Variants in CENPI observed in about 807,000 individuals in gnomAD.
CENPI encodes FSH primary response 1.
In CENPI, 4 loss-of-function variants were observed where a neutral mutation model predicts 60.4. The observed-to-expected ratio is 0.07, with a 90% CI of 0.03 to 0.15. The LOEUF (loss-of-function observed/expected upper bound fraction) is 0.15. Among genes scored for constraint, CENPI ranks in the 10% least tolerant of loss-of-function variants. CENPI has a pLI of 1.00. For synonymous variants in CENPI, 157 were observed against 189.4 expected (o/e 0.83, Z 1.40); for missense variants, 444 against 534.5 (o/e 0.83, Z 1.67).
intron 6 of CENPI, among the ~76,000 whole-genome samples, chrX:101,117,141 T>G (rs975799255): frequency 1.3e-4 from 14 of 111,863 alleles, no homozygotes; most frequent in Non-Finnish European, 2.4e-4. Context: ...CCACTTTAAG[T>G]TACTCTCTTT....
chrX:101,180,399 A>G, the CENPI span, among the ~76,000 whole-genome samples: 1 of 111,831 alleles, frequency 8.9e-6, no homozygotes, highest in African/African-American at 3.3e-5. Context: ...TGCCTCCCAA[A>G]GTGCTAGGAT....
intron 20 of CENPI, among the ~76,000 whole-genome samples, chrX:101,155,918 T>C (rs999413383): frequency 3.6e-5 from 4 of 112,503 alleles, no homozygotes; most frequent in African/African-American, 1.3e-4. Context: ...TGAAGACAAG[T>C]GAGTCAAGTG....
At position 101,164,631 on chromosome X, in the gene CENPI, C is replaced by T. The variant is rs2090136375; in HGVS notation, c.*1664C>T. 8.9e-6 allele frequency among the ~76,000 whole-genome samples: 1 copy of T among 111,789 alleles called. No individual in the cohort carries two copies. Among genetic ancestry groups the T allele is most frequent in the African/African-American group, 3.3e-5 (1 of 30,764 alleles). On this transcript the variant is annotated 3_prime_UTR_variant, in exon 22 of 22. Coordinates refer to ENST00000682095, the MANE Select transcript of CENPI (RefSeq NM_001386188.2). Reference sequence around the variant, plus strand: ...AGAGGTGTGAGCCATTGCACCCAGCCCAAAGTACCTGTTTTTATGGAGTTT... The same window carrying T: ...AGAGGTGTGAGCCATTGCACCCAGCTCAAAGTACCTGTTTTTATGGAGTTT...
At position 101,130,884 on chromosome X, in the gene CENPI, G is replaced by A. The variant is rs150137044; in HGVS notation, c.1287+811G>A. Among the ~76,000 whole-genome samples the A allele has an allele frequency of 4.2e-4, 47 of 112,070 alleles. No homozygotes were observed. In the East Asian group the frequency reaches 0.013, roughly 31 times the overall value. On this transcript the variant is annotated intron_variant, in intron 13 of 21. Coordinates refer to ENST00000682095, the MANE Select transcript of CENPI (RefSeq NM_001386188.2). ...ATGGCTCCCTGTGCTTACCTCTATCGTGACATTTTTAGCATCCACACATTA... is the reference window on the plus strand; with the variant it reads ...ATGGCTCCCTGTGCTTACCTCTATCATGACATTTTTAGCATCCACACATTA...
chrX:101,180,271 G>A, the CENPI span, among the ~76,000 whole-genome samples: 1 of 110,681 alleles, frequency 9.0e-6, no homozygotes, highest in Non-Finnish European at 1.9e-5. Flanking sequence ...TGAGTAGCTG[G>A]GACCACAGGT....
At chrX:101,112,059 C>T (rs1303217371) in intron 6 of CENPI, among the ~76,000 whole-genome samples, 1 of 111,366 alleles carries the variant, frequency 9.0e-6, no homozygotes, top group African/African-American at 3.3e-5. Flanking sequence ...ACGTACGAAC[C>T]GTAGTTATAC....
At chrX:101,145,416 G>A (rs2089953446) in intron 17 of CENPI, among the ~76,000 whole-genome samples, 1 of 110,630 alleles carries the variant, frequency 9.0e-6, no homozygotes, top group Admixed American at 9.7e-5. Context: ...TTTAGGGCCA[G>A]GTACCACTAC....
At chrX:101,132,072 T>C in intron 13 of CENPI, 118 bp from the exon 14 acceptor site, 1 of 496,634 alleles carries the variant, frequency 2.0e-6, no homozygotes. Flanking sequence ...ATTATATTCA[T>C]GACAAAAAAT....
intron 4 of CENPI, among the ~76,000 whole-genome samples, chrX:101,104,810 CTGT>C (rs1283487453): frequency 9.3e-6 from 1 of 107,545 alleles, no homozygotes; most frequent in Non-Finnish European, 1.9e-5. Context: ...GATGGTGCCA[CTGT>C]ACTCCAGTGT....
intron 4 of CENPI, among the ~76,000 whole-genome samples, chrX:101,107,896 C>T (rs1431666983): frequency 2.1e-5 from 2 of 95,271 alleles, no homozygotes; most frequent in East Asian, 6.7e-4. Flanking sequence ...GGATTACAGG[C>T]GTGAGCCACC....
intron 15 of CENPI, among the ~76,000 whole-genome samples, chrX:101,138,621 C>T (rs1222687474): frequency 1.6e-4 from 17 of 108,092 alleles, no homozygotes; most frequent in Non-Finnish European, 3.1e-4. Flanking sequence ...CCACCACGCC[C>T]AGCCAAGATT....
intron 20 of CENPI, among the ~76,000 whole-genome samples, chrX:101,148,476 T>C (rs1436364208): frequency 9.0e-6 from 1 of 111,565 alleles, no homozygotes; most frequent in Non-Finnish European, 1.9e-5. Context: ...CCTGCCTGGG[T>C]AGAGGTGGTG....
rs776177943 is a variant in CENPI, at chrX:101,113,876, A to C, written c.591+3878A>C. On this transcript the variant is annotated intron_variant, in intron 6 of 21. Coordinates refer to ENST00000682095, the MANE Select transcript of CENPI (RefSeq NM_001386188.2). ...TAAATTTTTTCGGGATATTGACAAT[A>C]TTATTCCACTGGCTCCTTGCTTCCA... Among the ~76,000 whole-genome samples, 3 of 112,319 alleles carry C rather than the reference A, an allele frequency of 2.7e-5. No homozygotes were observed. The Admixed American group carries it at 2.9e-4, about 11-fold the overall frequency.
intron 20 of CENPI, among the ~76,000 whole-genome samples, chrX:101,160,236 T>G (rs1419142759): frequency 9.0e-6 from 1 of 111,301 alleles, no homozygotes; most frequent in African/African-American, 3.3e-5. Flanking sequence ...AGCATTGTTG[T>G]AATCCTCAAA....
intron 20 of CENPI, 54 bp from the exon 21 acceptor site, chrX:101,161,473 TC>T: frequency 9.4e-7 from 1 of 1,066,297 alleles, no homozygotes; most frequent in Middle Eastern, 3.0e-4. Context: ...TCACCATATC[TC>T]CCCACTTCTT....
chrX:101,142,757 A>G (rs2089925587), intron 16 of CENPI, among the ~76,000 whole-genome samples: 1 of 111,567 alleles, frequency 9.0e-6, no homozygotes, highest in South Asian at 3.7e-4. Flanking sequence ...GTTTCAAATT[A>G]TTTCAGACAC....
intron 9 of CENPI, among the ~76,000 whole-genome samples, 154 bp from the exon 10 acceptor site, chrX:101,126,984 A>G (rs2089743021): frequency 9.0e-6 from 1 of 111,196 alleles, no homozygotes; most frequent in Non-Finnish European, 1.9e-5. Flanking sequence ...GGTATATTTA[A>G]TAGATTACTA....
the CENPI span, among the ~76,000 whole-genome samples, chrX:101,172,386 G>T: frequency 9.0e-6 from 1 of 111,187 alleles, no homozygotes; most frequent in Non-Finnish European, 1.9e-5. Flanking sequence ...ATAGCCAAAA[G>T]GTGAAACAAT....
Position 101,152,654 on chromosome X carries a change from G to A in CENPI, c.2094+4493G>A, listed in dbSNP as rs149507086. ...ACTCCTGACCTCAGGTAATCTGCTT[G>A]GCCTCCCATAGTGCTGGGATTACAG... On this transcript the variant is annotated intron_variant, in intron 20 of 21. Coordinates refer to ENST00000682095, the MANE Select transcript of CENPI (RefSeq NM_001386188.2). Among the ~76,000 whole-genome samples the A allele has an allele frequency of 4.8e-3, 521 of 107,539 alleles. 2 individuals are homozygous for A. Among genetic ancestry groups the A allele is most frequent in the African/African-American group, 0.017 (498 of 29,551 alleles). 93.4% of individuals were successfully genotyped at this position (107,539 alleles called of 115,157 possible).
Sources: allele counts gnomAD v4.1 joint callset (sites outside exome capture counted in the v4.1 genomes callset), GRCh38; gene constraint gnomAD v4.1.1; transcripts MANE v1.5; gene names NCBI Gene and HGNC (gene_info 2026-07-23, HGNC 2026-07-21).